DIS3L2: variants seen among roughly 807,000 people sequenced by gnomAD.
DIS3L2 encodes the protein DIS3 like 3'-5' exoribonuclease 2.
DIS3L2 carries 34 observed loss-of-function variants against 97.5 expected under a neutral mutation model. That is an observed-to-expected ratio of 0.35 (90% CI 0.27 to 0.46). The LOEUF (loss-of-function observed/expected upper bound fraction) is 0.46, where lower values mean the gene tolerates loss of function less well. DIS3L2 is among the 20% of genes least tolerant of loss of function. The pLI, the probability that DIS3L2 is intolerant of heterozygous loss-of-function variation, is 1.00. For missense variants in DIS3L2, 1,038 were observed against 1,146.0 expected (o/e 0.91, Z 1.36); for synonymous variants, 435 against 445.2 (o/e 0.98, Z 0.29).
intron 12 of DIS3L2, among the ~76,000 whole-genome samples, chr2:232,259,171 G>A (rs1012445224): frequency 5.9e-5 from 9 of 152,156 alleles, no homozygotes; most frequent in African/African-American, 2.2e-4. Context: ...CTGAAGTGAA[G>A]CAAAACAGCT....
intron 5 of DIS3L2, among the ~76,000 whole-genome samples, chr2:232,078,002 TTTC>T (rs1416030576): frequency 6.3e-5 from 9 of 143,582 alleles, no homozygotes; most frequent in Admixed American, 2.2e-4. Context: ...TCTTTCTTTC[TTTC>T]TTTCTTTCTT....
chr2:232,016,425 T>C (rs1219078108), intron 3 of DIS3L2, among the ~76,000 whole-genome samples: 1 of 151,996 alleles, frequency 6.6e-6, no homozygotes, highest in Non-Finnish European at 1.5e-5. Flanking sequence ...TGGCAAGTGC[T>C]CAGATAAAAG....
chr2:232,163,139 A>T (rs1323738572), intron 8 of DIS3L2, among the ~76,000 whole-genome samples: 1 of 152,216 alleles, frequency 6.6e-6, no homozygotes, highest in Non-Finnish European at 1.5e-5. Flanking sequence ...AGCACACTGG[A>T]TTGATCATAA....
chr2:232,116,364 T>C (rs978512361), intron 6 of DIS3L2, among the ~76,000 whole-genome samples: 3 of 152,206 alleles, frequency 2.0e-5, no homozygotes, highest in Non-Finnish European at 2.9e-5. Context: ...TGAAGCCTTT[T>C]GGGTAACTGG....
intron 9 of DIS3L2, 62 bp downstream of exon 9, chr2:232,163,694 C>T (rs185556197): frequency 1.3e-6 from 2 of 1,528,350 alleles, no homozygotes; most frequent in East Asian, 4.7e-5. Context: ...TTCCTAGGGG[C>T]TAGGCTTAGA....
intron 1 of DIS3L2, among the ~76,000 whole-genome samples, chr2:231,987,910 G>A (rs1693464115): frequency 6.6e-6 from 1 of 151,936 alleles, no homozygotes; most frequent in Admixed American, 6.6e-5. Context: ...CACGATCTCT[G>A]CTCACTGTGC....
intron 8 of DIS3L2, among the ~76,000 whole-genome samples, chr2:232,149,209 T>A (rs977902437): frequency 4.0e-5 from 6 of 149,626 alleles, no homozygotes; most frequent in African/African-American, 7.5e-5. Flanking sequence ...TTTTTTTTTT[T>A]ATTATATTCT....
chr2:232,166,374 CAG>C (rs1690819269), intron 9 of DIS3L2, among the ~76,000 whole-genome samples: 1 of 152,208 alleles, frequency 6.6e-6, no homozygotes, highest in Non-Finnish European at 1.5e-5. Context: ...GATCCAAAGA[CAG>C]AAGGAGTTTG....
intron 9 of DIS3L2, among the ~76,000 whole-genome samples, chr2:232,171,984 T>C (rs549916841): frequency 1.3e-5 from 2 of 152,348 alleles, no homozygotes; most frequent in Admixed American, 6.5e-5. Flanking sequence ...TGTAGAAATA[T>C]GAGTGCATGG....
chr2:232,165,908 CTAGCCTTTTAGCCTACTGGTAAATAATA>C (rs1485169666), intron 9 of DIS3L2, among the ~76,000 whole-genome samples: 1 of 151,852 alleles, frequency 6.6e-6, no homozygotes, highest in Non-Finnish European at 1.5e-5. Flanking sequence ...TCCATTTTTT[CTAGCCTTTTAGCCTACTGGTAAATAATA>C]AGCATGTTAG....
At chr2:232,090,738 G>A (rs1041318958) in intron 6 of DIS3L2, among the ~76,000 whole-genome samples, 4 of 152,194 alleles carry the variant, frequency 2.6e-5, no homozygotes, top group Non-Finnish European at 4.4e-5. Flanking sequence ...CCTGGTTCAT[G>A]CTTGTGTTCA....
intron 16 of DIS3L2, among the ~76,000 whole-genome samples, chr2:232,332,942 C>T (rs1695787490): frequency 6.6e-6 from 1 of 152,040 alleles, no homozygotes; most frequent in South Asian, 2.1e-4. Flanking sequence ...GGGATCGCAT[C>T]CTGGGCTTTC....
chr2:232,106,699 A>G (rs1393063609), intron 6 of DIS3L2, among the ~76,000 whole-genome samples: 2 of 152,242 alleles, frequency 1.3e-5, no homozygotes, highest in Non-Finnish European at 2.9e-5. Context: ...TTATTGAGAC[A>G]GAAAATTAAC....
chr2:232,229,550 C>G (rs934928286), intron 10 of DIS3L2, among the ~76,000 whole-genome samples: 2 of 152,238 alleles, frequency 1.3e-5, no homozygotes, highest in Non-Finnish European at 2.9e-5. Flanking sequence ...AGTGCGCCAG[C>G]CTCGCAAGTT....
At position 232,136,480 on chromosome 2, in the gene DIS3L2, C is replaced by T. The variant is rs2106355255; in HGVS notation, c.711C>T (p.Tyr237=). ...KSLQRSAKVV[Y]ILEKKHSRAA... is the part of the protein sequence containing the mutation. ...ATCTTTGGTGTTTTTAGGTGGTTTA[C>T]ATCTTGGAGAAAAAACATTCTCGAG... The change falls in exon 8 of 21, where the codon TAC becomes TAT. Residue 237 remains tyrosine (Y), a synonymous_variant. Transcript: ENST00000325385. 1 of 1,613,894 alleles carries T rather than the reference C, an allele frequency of 6.2e-7. No homozygotes were observed. Among genetic ancestry groups the T allele is most frequent in the Admixed American group, 1.7e-5 (1 of 60,002 alleles).
intron 12 of DIS3L2, among the ~76,000 whole-genome samples, chr2:232,253,117 G>C (rs150426714): frequency 6.6e-6 from 1 of 152,140 alleles, no homozygotes; most frequent in Non-Finnish European, 1.5e-5. Flanking sequence ...GACCACCAGC[G>C]TACCTCTACA....
At chr2:232,170,708 A>G (rs567973681) in intron 9 of DIS3L2, among the ~76,000 whole-genome samples, 1 of 152,336 alleles carries the variant, frequency 6.6e-6, no homozygotes, top group African/African-American at 2.4e-5. Context: ...AGCTGGAGGT[A>G]AAATTACAAA....
rs2106221482 is a variant in DIS3L2 at position 232,015,505 on chromosome 2, T to C, written c.53-9T>C. 6.2e-7 allele frequency: 1 copy of C among 1,610,524 alleles called. No individual in the cohort carries two copies. The highest frequency in any genetic ancestry group is 8.5e-7 in the Non-Finnish European group (1 of 1,178,344). ...GAGGAAAGAGTTGATTGCTGCCTCC[T>C]GTTTCTAGGTGTGTCTGCTGTGGCT... On this transcript the variant is annotated splice_polypyrimidine_tract_variant and intron_variant, in intron 2 of 20. Transcript: ENST00000325385.
chr2:232,337,188 T>C lies in DIS3L2; in HGVS notation c.*558T>C, dbSNP rs143549263. On this transcript the variant is annotated 3_prime_UTR_variant, in exon 21 of 21. Transcript: ENST00000325385. The stretch of plus-strand genomic sequence containing the variant: ...TGCCTGATTAAAAATGGAATTAGTA[T>C]GCAACACTGAGAGCGCCCCCATCAC... 18,837 of 994,326 alleles carry C rather than the reference T, an allele frequency of 0.019. 206 individuals carry two copies. Among genetic ancestry groups the C allele is most frequent in the Non-Finnish European group, 0.021 (17,431 of 836,764 alleles). 61.6% of individuals were successfully genotyped at this position (994,326 alleles called of 1,614,324 possible).
Sources: allele counts gnomAD v4.1 joint callset (sites outside exome capture counted in the v4.1 genomes callset), GRCh38; gene constraint gnomAD v4.1.1; transcripts MANE v1.5; gene names NCBI Gene and HGNC (gene_info 2026-07-23, HGNC 2026-07-21).